SHQ1: variants seen among roughly 807,000 people sequenced by gnomAD.
SHQ1 encodes SHQ1, H/ACA ribonucleoprotein assembly factor.
A neutral mutation model predicts 53.8 loss-of-function variants in SHQ1; 49 were observed. The observed-to-expected ratio is 0.91, with a 90% CI of 0.72 to 1.16. The LOEUF is 1.16. SHQ1 is among the 50% of genes most tolerant of loss of function. The pLI is 0.00. For missense variants in SHQ1, 738 were observed against 683.1 expected (o/e 1.08, Z -0.90); for synonymous variants, 243 against 251.0 (o/e 0.97, Z 0.30).
the SHQ1 span, among the ~76,000 whole-genome samples, chr3:72,730,519 G>A: frequency 2.0e-5 from 3 of 152,142 alleles, no homozygotes; most frequent in Non-Finnish European, 4.4e-5. Context: ...CAGAGCCAAC[G>A]GACATCTTAA....
intron 8 of SHQ1, among the ~76,000 whole-genome samples, chr3:72,813,465 C>CA (rs938471344): frequency 0.34 from 20,674 of 61,088 alleles, 2,673 homozygotes; most frequent in African/African-American, 0.36. Context: ...GACTCCATCT[C>CA]AAAAAAAAAA....
rs1705751410 is a variant in SHQ1 at position 72,767,339 on chromosome 3, C to G, written c.1182-16503G>C. On this transcript the variant is annotated intron_variant, in intron 10 of 10. Transcript: ENST00000325599. The stretch of plus-strand genomic sequence containing the variant: ...ATGCACTATGCTGTGCTGGCTCACG[C>G]TCTGAAGCAGGGACACCATCTGGGT... Among the ~76,000 whole-genome samples, 3 of 152,202 alleles carry G rather than the reference C, an allele frequency of 2.0e-5. No individual in the cohort carries two copies. The South Asian group carries it at 6.2e-4, about 32-fold the overall frequency.
the SHQ1 span, among the ~76,000 whole-genome samples, chr3:72,739,975 G>A: frequency 6.6e-6 from 1 of 152,302 alleles, no homozygotes; most frequent in African/African-American, 2.4e-5. Flanking sequence ...GCAAACACTG[G>A]GGTGGATCTC....
At chr3:72,813,803 GTA>G (rs1707210185) in intron 8 of SHQ1, among the ~76,000 whole-genome samples, 1 of 141,592 alleles carries the variant, frequency 7.1e-6, no homozygotes, top group Admixed American at 7.0e-5. Flanking sequence ...CTTTAGTAAA[GTA>G]TGTTCAGTTT....
At chr3:72,761,409 C>T (rs146804904) in intron 10 of SHQ1, among the ~76,000 whole-genome samples, 2,783 of 152,216 alleles carry the variant, frequency 0.018, 82 homozygotes, top group African/African-American at 0.061. Flanking sequence ...TGGGCTCAAG[C>T]GACCCTCCTG....
At chr3:72,744,348 A>G (rs1705219506), downstream of SHQ1, among the ~76,000 whole-genome samples, 1 of 152,244 alleles carries the variant, frequency 6.6e-6, no homozygotes, top group Non-Finnish European at 1.5e-5. Context: ...AGCATGTTGG[A>G]GGGAAAAGAA....
chr3:72,736,491 A>T, the SHQ1 span, among the ~76,000 whole-genome samples: 3,108 of 151,214 alleles, frequency 0.021, 147 homozygotes, highest in African/African-American at 0.069. Flanking sequence ...AAATTTTTTT[A>T]AAAAAATCCT....
In SHQ1 at chr3:72,841,160, T is replaced by G; in HGVS notation, c.371A>C (p.Glu124Ala). The G allele has an allele frequency of 6.2e-7, 1 of 1,613,564 alleles. No homozygotes were observed. Among genetic ancestry groups the G allele is most frequent in the Non-Finnish European group, 8.5e-7 (1 of 1,179,856 alleles). ...EIPEEVVDDE[E>A]FDWEIEQTPC... ...TGTCTGCTCAATTTCCCAATCAAAC[T>G]CTTCATCGTCAACTACTTCCTCAGG... Residue 124 changes from glutamate (E) to alanine (A), a missense_variant, in exon 4 of 11, where the codon GAG becomes GCG. Transcript: ENST00000325599.
chr3:72,739,494 G>A, the SHQ1 span, among the ~76,000 whole-genome samples: 1 of 152,238 alleles, frequency 6.6e-6, no homozygotes, highest in Non-Finnish European at 1.5e-5. Flanking sequence ...GAGAGGTAAA[G>A]ATGGGGTTCG....
chr3:72,755,236 A>G (rs1031858348), intron 10 of SHQ1, among the ~76,000 whole-genome samples: 33 of 152,104 alleles, frequency 2.2e-4, no homozygotes, highest in Non-Finnish European at 1.3e-4. Flanking sequence ...AGGTTATACA[A>G]TAAGTTGATG....
chr3:72,763,773 G>A (rs1428624058), intron 10 of SHQ1, among the ~76,000 whole-genome samples: 1 of 152,164 alleles, frequency 6.6e-6, no homozygotes, highest in African/African-American at 2.4e-5. Context: ...GAGAGGCACG[G>A]AACAGATTCT....
At chr3:72,745,269 G>T (rs544492039), downstream of SHQ1, among the ~76,000 whole-genome samples, 2 of 152,044 alleles carry the variant, frequency 1.3e-5, no homozygotes, top group African/African-American at 4.8e-5. Context: ...ATTAGCAGGT[G>T]TGAAAACCGC....
chr3:72,752,394 C>CT lies in SHQ1; in HGVS notation c.1182-1559dup, dbSNP rs1290246542. On this transcript the variant is annotated intron_variant, in intron 10 of 10. Transcript: ENST00000325599. ...ACACAGGATGATGGCGTGACGGAGCCTTTTCACTGCCTATTGTTTTATTTT... is the reference window on the plus strand; with the variant it reads ...ACACAGGATGATGGCGTGACGGAGCCTTTTTCACTGCCTATTGTTTTATTTT... Among the ~76,000 whole-genome samples, 7 of 152,142 alleles carry CT rather than the reference C, an allele frequency of 4.6e-5. No homozygotes were observed. In the East Asian group the frequency reaches 1.2e-3, roughly 25 times the overall value.
chr3:72,824,803 T>A (rs113416270), intron 5 of SHQ1, among the ~76,000 whole-genome samples: 15 of 146,270 alleles, frequency 1.0e-4, no homozygotes, highest in African/African-American at 3.7e-4. Flanking sequence ...TTTTTTTTTT[T>A]AACTTTTTTT....
chr3:72,771,518 G>A (rs1250770316), intron 10 of SHQ1, among the ~76,000 whole-genome samples: 1 of 152,218 alleles, frequency 6.6e-6, no homozygotes, highest in African/African-American at 2.4e-5. Context: ...GGTTTCCAGT[G>A]ATAAGCAGAT....
intron 10 of SHQ1, among the ~76,000 whole-genome samples, chr3:72,785,548 A>C (rs1306120866): frequency 6.6e-6 from 1 of 152,220 alleles, no homozygotes; most frequent in African/African-American, 2.4e-5. Context: ...CCCTATTACT[A>C]TAACATCGTG....
At chr3:72,738,747 T>A in the SHQ1 span, among the ~76,000 whole-genome samples, 8 of 152,264 alleles carry the variant, frequency 5.3e-5, no homozygotes, top group Non-Finnish European at 1.2e-4. Flanking sequence ...TTACAATTCT[T>A]AAACAGCCCC....
the SHQ1 span, among the ~76,000 whole-genome samples, chr3:72,727,734 G>A: frequency 1.3e-5 from 2 of 152,162 alleles, no homozygotes; most frequent in African/African-American, 4.8e-5. Flanking sequence ...ACAATCTCTT[G>A]AGCCTGTTGA....
intron 10 of SHQ1, among the ~76,000 whole-genome samples, chr3:72,774,091 G>A (rs901579536): frequency 6.6e-6 from 1 of 152,080 alleles, no homozygotes; most frequent in Non-Finnish European, 1.5e-5. Context: ...AAAATAGATG[G>A]TAAGGCAAAA....
Sources: allele counts gnomAD v4.1 joint callset (sites outside exome capture counted in the v4.1 genomes callset), GRCh38; gene constraint gnomAD v4.1.1; transcripts MANE v1.5; gene names NCBI Gene and HGNC (gene_info 2026-07-23, HGNC 2026-07-21).